Variants in YME1L1 observed in about 807,000 individuals in gnomAD.
YME1L1 encodes the protein ATP-dependent zinc metalloprotease YME1L1.
Under a neutral mutation model 90.4 loss-of-function variants are expected in YME1L1, and 39 were observed. The ratio of observed to expected loss-of-function variants is 0.43; its 90% confidence interval spans 0.33 to 0.56. The LOEUF (loss-of-function observed/expected upper bound fraction) is 0.56, where lower values mean the gene tolerates loss of function less well. Among genes scored for constraint, YME1L1 ranks in the 20% least tolerant of loss-of-function variants. The probability of loss-of-function intolerance (pLI) is 0.03; values close to 1 mark genes in which losing one functional copy is unlikely to be tolerated. For synonymous variants in YME1L1, 284 were observed against 287.3 expected (o/e 0.99, Z 0.12); for missense variants, 617 against 868.4 (o/e 0.71, Z 3.64).
At chr10:27,143,129 G>A (rs1189282367) in intron 3 of YME1L1, among the ~76,000 whole-genome samples, 1 of 151,996 alleles carries the variant, frequency 6.6e-6, no homozygotes, top group East Asian at 1.9e-4. Flanking sequence ...CAGCACTTTG[G>A]GAGGCAGAGG....
chr10:27,148,758 G>C lies in YME1L1; in HGVS notation c.168+148C>G, dbSNP rs888555979. The stretch of plus-strand genomic sequence containing the variant: ...CGGTAAGGCTTCCTGGTCAATAGTA[G>C]GGTATTAGTAGTTAAGTTTCTCAGG... On this transcript the variant is annotated intron_variant, in intron 2 of 18. Transcript: ENST00000376016. 9 of 862,482 alleles carry C rather than the reference G, an allele frequency of 1.0e-5. No homozygotes were observed. The African/African-American group carries it at 1.4e-4, about 13-fold the overall frequency. The allele number at this position is 862,482 out of a possible 1,614,324, so 53.4% of individuals were successfully genotyped here.
intron 4 of YME1L1, among the ~76,000 whole-genome samples, chr10:27,139,666 GT>G (rs1400825737): frequency 1.4e-5 from 2 of 147,518 alleles, no homozygotes; most frequent in African/African-American, 4.9e-5. Flanking sequence ...AAACTTCATG[GT>G]TATTATCCTA....
Position 27,123,650 on chromosome 10 carries a change from T to A in YME1L1, c.999A>T (p.Arg333=). ...PPGTGKTLLA[R]AVAGEADVPF... is the part of the protein sequence containing the mutation. ...GAACATCAGCTTCTCCCGCCACAGC[T>A]CGGGCAAGAAGTGTCTTTCCAGTCC... Residue 333 remains arginine, a synonymous_variant, in exon 10 of 19, where the codon CGA becomes CGT. Coordinates refer to ENST00000376016, the MANE Select transcript of YME1L1 (RefSeq NM_014263.4). The A allele has an allele frequency of 6.2e-7, 1 of 1,613,768 alleles. No homozygotes were observed. Among genetic ancestry groups the A allele is most frequent in the Non-Finnish European group, 8.5e-7 (1 of 1,179,846 alleles).
At chr10:27,124,934 A>G (rs1185469997) in intron 9 of YME1L1, among the ~76,000 whole-genome samples, 2 of 152,190 alleles carry the variant, frequency 1.3e-5, no homozygotes, top group East Asian at 3.8e-4. Flanking sequence ...CAGGAAGTAC[A>G]TGATGTTGAT....
At chr10:27,115,178 G>A (rs544524833) in intron 17 of YME1L1, among the ~76,000 whole-genome samples, 13 of 151,626 alleles carry the variant, frequency 8.6e-5, no homozygotes, top group African/African-American at 2.2e-4. Flanking sequence ...GCTTGAACCC[G>A]GGAGGCGGTA....
chr10:27,151,339 C>A (rs1028813929), intron 1 of YME1L1, among the ~76,000 whole-genome samples: 3 of 152,212 alleles, frequency 2.0e-5, no homozygotes, highest in Non-Finnish European at 4.4e-5. Context: ...GAGTTGAGAA[C>A]AATGGCAAAC....
intron 18 of YME1L1, 93 bp downstream of exon 18, chr10:27,114,428 G>C (rs1297333084): frequency 1.1e-6 from 1 of 895,262 alleles, no homozygotes; most frequent in African/African-American, 1.7e-5. Context: ...TGTTTCTAGT[G>C]AACAGAGGGC....
intron 2 of YME1L1, among the ~76,000 whole-genome samples, chr10:27,148,133 A>G (rs966465964): frequency 6.7e-6 from 1 of 149,806 alleles, no homozygotes; most frequent in Non-Finnish European, 1.5e-5. Context: ...ATCCCTACCT[A>G]TTCCACTTCC....
Position 27,136,356 on chromosome 10 carries a change from A to C in YME1L1, c.460T>G (p.Leu154Val), listed in dbSNP as rs2057027042. 6.2e-7 allele frequency: 1 copy of C among 1,613,680 alleles called. No homozygotes were observed. Among genetic ancestry groups the C allele is most frequent in the African/African-American group, 1.3e-5 (1 of 74,848 alleles). Residue 154 changes from leucine to valine, a missense_variant, in exon 5 of 19, where the codon TTG (leucine) becomes GTG (valine). Coordinates refer to ENST00000376016, the MANE Select transcript of YME1L1 (RefSeq NM_014263.4). ...VFIQSRGFKT[L>V]KSRTRRLQST... ...TGGAGACGTCGTGTCCTTGATTTCA[A>C]AGTTTTAAAACCCCGAGACTGTATG... is the stretch of plus-strand genomic sequence containing the variant.
chr10:27,119,580 A>T, intron 13 of YME1L1, 131 bp from the exon 14 acceptor site: 1 of 946,960 alleles, frequency 1.1e-6, no homozygotes, highest in Non-Finnish European at 1.5e-6. Context: ...AGGCTGGGGC[A>T]GGCAGATCAC....
intron 3 of YME1L1, among the ~76,000 whole-genome samples, chr10:27,143,974 G>C (rs1180492639): frequency 1.3e-5 from 2 of 152,068 alleles, no homozygotes; most frequent in Non-Finnish European, 2.9e-5. Flanking sequence ...CAAGATCCTA[G>C]GGAAAAGATC....
chr10:27,136,531 C>CT, intron 4 of YME1L1, 146 bp from the exon 5 acceptor site: 11 of 692,406 alleles, frequency 1.6e-5, no homozygotes, highest in Admixed American at 2.8e-5. Context: ...TTGTTTCCTT[C>CT]TTTTTTGTAG....
At position 27,117,603 on chromosome 10, in the gene YME1L1, G is replaced by C; in HGVS notation, c.1692C>G (p.Ile564Met). ...GTCCAAGTGTTGGCCCCCGTGGCATGATTGTAGCTTTGTTGATAGGCATTG... is the reference window on the plus strand; with the variant it reads ...GTCCAAGTGTTGGCCCCCGTGGCATCATTGTAGCTTTGTTGATAGGCATTG... ...KDAMPINKAT[I>M]MPRGPTLGHV... The change falls in exon 15 of 19, where the codon ATC becomes ATG. Residue 564 changes from isoleucine to methionine, a missense_variant. By Grantham distance (10) the Ile-to-Met change is conservative. Coordinates refer to ENST00000376016, the MANE Select transcript of YME1L1 (RefSeq NM_014263.4). The C allele has an allele frequency of 6.2e-7, 1 of 1,614,098 alleles. No homozygotes were observed. Among genetic ancestry groups the C allele is most frequent in the East Asian group, 2.2e-5 (1 of 44,874 alleles).
chr10:27,143,626 A>C (rs1315391658), intron 3 of YME1L1, among the ~76,000 whole-genome samples: 1 of 150,840 alleles, frequency 6.6e-6, no homozygotes, highest in Non-Finnish European at 1.5e-5. Context: ...TGAACTGGGA[A>C]GGCAGAGCTT....
intron 2 of YME1L1, chr10:27,147,477 T>G: frequency 1.2e-6 from 2 of 1,614,146 alleles, no homozygotes; most frequent in Non-Finnish European, 1.7e-6. Context: ...CAATAGGCAT[T>G]TGGAGAAACC....
chr10:27,113,653 C>T (rs958125366), intron 18 of YME1L1, among the ~76,000 whole-genome samples: 1 of 136,630 alleles, frequency 7.3e-6, no homozygotes, highest in African/African-American at 2.7e-5. Context: ...GCCTGGGCAA[C>T]AAGAGCAGAA....
At position 27,114,577 on chromosome 10, in the gene YME1L1, T is replaced by C; in HGVS notation, c.1951A>G (p.Lys651Glu). 1 of 1,613,928 alleles carries C rather than the reference T, an allele frequency of 6.2e-7. No individual in the cohort carries two copies. Among genetic ancestry groups the C allele is most frequent in the Non-Finnish European group, 8.5e-7 (1 of 1,179,954 alleles). ...LGVMTYSDTG[K>E]LSPETQSAIE... ...GCAGATTGGGTTTCTGGACTTAGTT[T>C]CCCTGTATCACTGTAGGTCATAACT... The change falls in exon 18 of 19, where the codon AAA (lysine) becomes GAA (glutamate). Residue 651 changes from lysine (K) to glutamate (E), a missense_variant. Coordinates refer to ENST00000376016, the MANE Select transcript of YME1L1 (RefSeq NM_014263.4).
intron 15 of YME1L1, among the ~76,000 whole-genome samples, chr10:27,116,803 G>A (rs1404394427): frequency 6.6e-6 from 1 of 152,070 alleles, no homozygotes; most frequent in Non-Finnish European, 1.5e-5. Context: ...TGAGGTGTGA[G>A]GATCACTTGA....
intron 9 of YME1L1, among the ~76,000 whole-genome samples, chr10:27,125,165 C>T (rs550523362): frequency 6.3e-4 from 96 of 152,008 alleles, no homozygotes; most frequent in Non-Finnish European, 1.2e-3. Flanking sequence ...ATTAAGCATG[C>T]AGGCAAAGCC....
Sources: allele counts gnomAD v4.1 joint callset (sites outside exome capture counted in the v4.1 genomes callset), GRCh38; gene constraint gnomAD v4.1.1; transcripts MANE v1.5; gene names NCBI Gene and HGNC (gene_info 2026-07-23, HGNC 2026-07-21).